GASK1B: variants seen among roughly 807,000 people sequenced by gnomAD.
GASK1B encodes Golgi-associated kinase 1B.
GASK1B carries 34 observed loss-of-function variants against 42.8 expected under a neutral mutation model. The ratio of observed to expected loss-of-function variants is 0.79; its 90% CI spans 0.60 to 1.06. The LOEUF is 1.06. GASK1B is among the 50% of genes least tolerant of loss of function. The pLI, the probability that GASK1B is intolerant of heterozygous loss-of-function variation, is 0.00. For missense variants in GASK1B, 686 were observed against 661.0 expected (o/e 1.04, Z -0.42); for synonymous variants, 262 against 259.1 (o/e 1.01, Z -0.11).
rs201134766 is a variant in GASK1B, at chr4:158,171,415, T to C, written c.-40A>G. ...CACATGTTGAACGGAGTTTAAAGTC[T>C]GCAGTTGGCTCCTGCTAATGTGATG... On this transcript the variant is annotated 5_prime_UTR_variant, in exon 2 of 5. Transcript: ENST00000585682. The C allele has an allele frequency of 1.0e-4, 151 of 1,514,096 alleles. No individual in the cohort carries two copies. The East Asian group carries it at 3.0e-3, about 30-fold the overall frequency. The allele number at this position is 1,514,096 out of a possible 1,614,324, so 93.8% of individuals were successfully genotyped here.
chr4:158,150,881 C>T (rs1387832156), intron 3 of GASK1B, among the ~76,000 whole-genome samples: 2 of 152,180 alleles, frequency 1.3e-5, no homozygotes, highest in East Asian at 3.9e-4. Context: ...CTCTGCACCA[C>T]TGACATCAGA....
At chr4:158,141,320 C>T (rs898264533) in intron 3 of GASK1B, among the ~76,000 whole-genome samples, 2 of 151,652 alleles carry the variant, frequency 1.3e-5, no homozygotes, top group African/African-American at 2.4e-5. Context: ...ATTACAGAGG[C>T]ATAGCTTATG....
chr4:158,170,619 C>G lies in GASK1B; in HGVS notation c.757G>C (p.Ala253Pro), dbSNP rs762471143. Residue 253 changes from alanine (A) to proline (P), a missense_variant, in exon 2 of 5, where the codon GCA (alanine) becomes CCA (proline). Coordinates refer to ENST00000585682, the MANE Select transcript of GASK1B (RefSeq NM_001128424.2). ...GARLLVLEGG[A>P]PGAVLRCGPS... ...CCACAGCGGAGCACAGCGCCAGGTG[C>G]GCCCCCCTCCAGCACCAGCAAACGG... 9 of 1,613,542 alleles carry G rather than the reference C, an allele frequency of 5.6e-6. No individual in the cohort carries two copies. The South Asian group carries it at 6.6e-5, about 12-fold the overall frequency.
intron 2 of GASK1B, among the ~76,000 whole-genome samples, chr4:158,167,540 C>G (rs929745125): frequency 2.0e-5 from 3 of 152,036 alleles, no homozygotes; most frequent in African/African-American, 7.2e-5. Context: ...TGTTTAGAGT[C>G]CAAGGAACAA....
intron 3 of GASK1B, among the ~76,000 whole-genome samples, chr4:158,154,047 AAAAG>A (rs1158681986): frequency 1.3e-5 from 2 of 152,150 alleles, no homozygotes; most frequent in Non-Finnish European, 2.9e-5. Flanking sequence ...TCTGCATAGC[AAAAG>A]AAATAATCAG....
At chr4:158,156,515 C>T (rs952362004) in intron 2 of GASK1B, among the ~76,000 whole-genome samples, 2 of 152,122 alleles carry the variant, frequency 1.3e-5, no homozygotes, top group Non-Finnish European at 2.9e-5. Context: ...CTTTTTTAAC[C>T]TGTCACTCAA....
chr4:158,168,726 A>G (rs535640805), intron 2 of GASK1B: 6 of 152,152 alleles, frequency 3.9e-5, no homozygotes, highest in Non-Finnish European at 8.8e-5. Context: ...CCAATACAGT[A>G]GTCTAAGAGC....
At chr4:158,151,979 A>C (rs115168164) in intron 3 of GASK1B, among the ~76,000 whole-genome samples, 3,059 of 152,304 alleles carry the variant, frequency 0.02, 103 homozygotes, top group African/African-American at 0.068. Flanking sequence ...CACAGCTAGA[A>C]TAAAGCAGGC....
In GASK1B at chr4:158,170,272, C is replaced by G. The variant is rs150507892; in HGVS notation, c.910+194G>C. On this transcript the variant is annotated intron_variant, in intron 2 of 4. Coordinates refer to ENST00000585682, the MANE Select transcript of GASK1B (RefSeq NM_001128424.2). ...TCTTGCATGTCCAATACAGCATTTC[C>G]CTGGAACTCTCATATCCTCCCAGGC... is the stretch of plus-strand genomic sequence containing the variant. The G allele has an allele frequency of 2.6e-4, 412 of 1,614,202 alleles. 1 individual carries two copies. The highest frequency in any genetic ancestry group is 4.3e-4 in the Admixed American group (26 of 60,030).
rs1229751077 is a variant in GASK1B, at chr4:158,170,538, A to G, written c.838T>C (p.Phe280Leu). The G allele has an allele frequency of 2.5e-6, 4 of 1,614,238 alleles. No homozygotes were observed. Among genetic ancestry groups the G allele is most frequent in the Non-Finnish European group, 8.5e-7 (1 of 1,180,042 alleles). ...AGCCCCAGGATCCTGTCTAGGTGGAAGGCAAACACCTCACTCATGTCCAAG... is the reference window on the plus strand; with the variant it reads ...AGCCCCAGGATCCTGTCTAGGTGGAGGGCAAACACCTCACTCATGTCCAAG... ...QPLDMSEVFA[F>L]HLDRILGLNR... Residue 280 changes from phenylalanine (F) to leucine (L), a missense_variant, in exon 2 of 5, where the codon TTC (phenylalanine) becomes CTC (leucine). Transcript: ENST00000585682.
At chr4:158,162,545 G>A (rs938529887) in intron 2 of GASK1B, among the ~76,000 whole-genome samples, 1 of 152,188 alleles carries the variant, frequency 6.6e-6, no homozygotes, top group Admixed American at 6.5e-5. Context: ...CACTCAATAC[G>A]AATTGGGAAG....
rs1419206920 is a variant in GASK1B at position 158,125,193 on chromosome 4, T to C, written c.*2214A>G. On this transcript the variant is annotated 3_prime_UTR_variant, in exon 5 of 5. Coordinates refer to ENST00000585682, the MANE Select transcript of GASK1B (RefSeq NM_001128424.2). The stretch of plus-strand genomic sequence containing the variant: ...ATTACTCATTGATTACAAAACAAAA[T>C]TGTTAAAAAGCAAAGGTGACTAAAA... 2 of 152,160 alleles carry C rather than the reference T, an allele frequency of 1.3e-5. No individual in the cohort carries two copies. The highest frequency in any genetic ancestry group is 2.9e-5 in the Non-Finnish European group (2 of 68,032). The allele number at this position is 152,160 out of a possible 1,614,324, so 9.4% of individuals were successfully genotyped here. A position where few individuals can be genotyped will look rare whatever the true frequency, so the allele number is the denominator to read the frequency against.
At chr4:158,160,868 A>T (rs552285849) in intron 2 of GASK1B, among the ~76,000 whole-genome samples, 1 of 152,294 alleles carries the variant, frequency 6.6e-6, no homozygotes, top group South Asian at 2.1e-4. Flanking sequence ...CAGAAAGACA[A>T]ATACTGCATG....
chr4:158,128,707 C>G (rs1251716378), intron 4 of GASK1B, among the ~76,000 whole-genome samples: 1 of 152,196 alleles, frequency 6.6e-6, no homozygotes, highest in African/African-American at 2.4e-5. Context: ...AGCCAAGGAT[C>G]AGGTGCTCCA....
chr4:158,146,378 A>G lies in GASK1B; in HGVS notation c.1125+9233T>C, dbSNP rs115551834. Among the ~76,000 whole-genome samples, 775 of 152,206 alleles carry G rather than the reference A, an allele frequency of 5.1e-3. 10 individuals carry two copies. Among genetic ancestry groups the G allele is most frequent in the African/African-American group, 0.018 (743 of 41,556 alleles). ...AGTGGCTTATAATTTAATAAATAAA[A>G]ATAATGATAAAATAATATAGTTTAT... is the stretch of plus-strand genomic sequence containing the variant. On this transcript the variant is annotated intron_variant, in intron 3 of 4. Transcript: ENST00000585682.
At chr4:158,158,497 G>A (rs1731842623) in intron 2 of GASK1B, among the ~76,000 whole-genome samples, 1 of 151,684 alleles carries the variant, frequency 6.6e-6, no homozygotes, top group South Asian at 2.1e-4. Flanking sequence ...AAGCTATTTG[G>A]GATCATCTTG....
intron 2 of GASK1B, among the ~76,000 whole-genome samples, chr4:158,164,151 G>A (rs748903995): frequency 1.3e-5 from 2 of 152,184 alleles, no homozygotes; most frequent in Non-Finnish European, 2.9e-5. Flanking sequence ...AGTGCCACGA[G>A]AGCAGAGATT....
rs138206926 is a variant in GASK1B, at chr4:158,163,215, A to T, written c.910+7251T>A. ...TCAATCTGGATAAACCAACTAAGAA[A>T]ATCTAAAGAAGCATATCATAAAGAG... is the stretch of plus-strand genomic sequence containing the variant. On this transcript the variant is annotated intron_variant, in intron 2 of 4. Coordinates refer to ENST00000585682, the MANE Select transcript of GASK1B (RefSeq NM_001128424.2). Among the ~76,000 whole-genome samples, 292 of 152,346 alleles carry T rather than the reference A, an allele frequency of 1.9e-3. 1 individual carries two copies. The highest frequency in any genetic ancestry group is 3.4e-3 in the Middle Eastern group (1 of 294).
In GASK1B at chr4:158,170,823, C is replaced by T; in HGVS notation, c.553G>A (p.Gly185Ser). ...GGGCCCCCGGCTCGCACTCCCGGAC[C>T]CCGCACCAACCTCCAGGGTCGCTCT... ...IGERPWRLVR[G>S]PGVRAGGPDF... Residue 185 changes from glycine (G) to serine (S), a missense_variant, in exon 2 of 5, where the codon GGT becomes AGT. Gly to Ser is a moderately conservative substitution (Grantham distance 56, BLOSUM62 0). Coordinates refer to ENST00000585682, the MANE Select transcript of GASK1B (RefSeq NM_001128424.2). The T allele has an allele frequency of 6.2e-7, 1 of 1,614,178 alleles. No individual in the cohort carries two copies. Among genetic ancestry groups the T allele is most frequent in the African/African-American group, 1.3e-5 (1 of 75,060 alleles).
Sources: allele counts gnomAD v4.1 joint callset (sites outside exome capture counted in the v4.1 genomes callset), GRCh38; gene constraint gnomAD v4.1.1; transcripts MANE v1.5; gene names NCBI Gene and HGNC (gene_info 2026-07-23, HGNC 2026-07-21).